Variants in NLRP5 observed in about 807,000 individuals in gnomAD.
The protein encoded by NLRP5 is NACHT, LRR and PYD domains-containing protein 5.
In NLRP5, 93 loss-of-function variants were observed where a neutral mutation model predicts 113.1. That is an observed-to-expected ratio of 0.82 (90% CI 0.70 to 0.98). NLRP5 has a LOEUF of 0.98. Among genes scored for constraint, NLRP5 ranks in the 50% least tolerant of loss-of-function variants. The probability of loss-of-function intolerance (pLI) is 0.00; values close to 1 mark genes in which losing one functional copy is unlikely to be tolerated. For missense variants in NLRP5, 1,808 were observed against 1,514.3 expected (o/e 1.19, Z -3.22); for synonymous variants, 751 against 600.7 (o/e 1.25, Z -3.66).
chr19:55,987,186 T>C, the NLRP5 span, among the ~76,000 whole-genome samples: 2 of 152,108 alleles, frequency 1.3e-5, no homozygotes. Context: ...CTGGCCAACA[T>C]GGTGAAATCC....
chr19:56,061,740 G>A lies in NLRP5; in HGVS notation c.*212G>A, dbSNP rs1372317637. On this transcript the variant is annotated 3_prime_UTR_variant, in exon 15 of 15. Transcript: ENST00000390649. ...AGAGACCTTCAAGTCATAGGACTCAGTATCTGTGAAATGTCCGTCATATCT... is the reference window on the plus strand; with the variant it reads ...AGAGACCTTCAAGTCATAGGACTCAATATCTGTGAAATGTCCGTCATATCT... 1.8e-6 allele frequency: 1 copy of A among 544,396 alleles called. No individual in the cohort carries two copies. Among genetic ancestry groups the A allele is most frequent in the Non-Finnish European group, 3.3e-6 (1 of 307,466 alleles). 33.7% of individuals were successfully genotyped at this position (544,396 alleles called of 1,614,324 possible).
chr19:56,005,205 A>G (rs905450837), intron 2 of NLRP5, among the ~76,000 whole-genome samples: 3 of 135,546 alleles, frequency 2.2e-5, no homozygotes, highest in Non-Finnish European at 4.7e-5. Flanking sequence ...ATATACACAT[A>G]CACATACACA....
chr19:56,027,875 G>A lies in NLRP5; in HGVS notation c.1642G>A (p.Gly548Ser), dbSNP rs1982933714. Residue 548 changes from glycine to serine, a missense_variant, in exon 7 of 15, where the codon GGT becomes AGT. Gly to Ser is a moderately conservative substitution (Grantham distance 56). Transcript: ENST00000390649. ...GTGGAATAGGAAGTCAGTGTTTGACGGTGACGACCTCATGGTTCAAGGACT... is the reference window on the plus strand; with the variant it reads ...GTGGAATAGGAAGTCAGTGTTTGACAGTGACGACCTCATGGTTCAAGGACT... 3.7e-6 allele frequency: 6 copies of A among 1,613,730 alleles called. No homozygotes were observed. The highest frequency in any genetic ancestry group is 2.2e-5 in the South Asian group (2 of 91,056).
Position 56,012,585 on chromosome 19 carries a change from A to G in NLRP5, c.509-3157A>G, listed in dbSNP as rs955314395. Among the ~76,000 whole-genome samples, 10 of 152,006 alleles carry G rather than the reference A, an allele frequency of 6.6e-5. 1 individual carries two copies. Among genetic ancestry groups the G allele is most frequent in the South Asian group, 4.2e-4 (2 of 4,812 alleles). On this transcript the variant is annotated intron_variant, in intron 3 of 14. Coordinates refer to ENST00000390649, the MANE Select transcript of NLRP5 (RefSeq NM_153447.4). ...GGACATTTCCATAACCCAAAAAAAA[A>G]AAAAAATCCTTCAGCAGAGACAACA...
intron 7 of NLRP5, 44 bp downstream of exon 7, chr19:56,028,553 C>G (rs759338916): frequency 6.4e-7 from 1 of 1,556,014 alleles, no homozygotes; most frequent in South Asian, 1.2e-5. Flanking sequence ...GTGCTGAGCT[C>G]TGTGTCTCTA....
intron 7 of NLRP5, among the ~76,000 whole-genome samples, chr19:56,032,335 A>C (rs1292517522): frequency 1.4e-5 from 2 of 140,020 alleles, no homozygotes; most frequent in Admixed American, 7.2e-5. Context: ...ACGGAGCGAG[A>C]CTCCATCTCA....
chr19:56,053,862 C>A, intron 13 of NLRP5, 54 bp downstream of exon 13: 2 of 1,563,280 alleles, frequency 1.3e-6, no homozygotes, highest in South Asian at 2.3e-5. Context: ...GTGGGGGACC[C>A]CAGCATGAGG....
rs1412317286 is a variant in NLRP5 at position 56,010,742 on chromosome 19, C to CAAAAAAAAA, written c.508+1894_508+1902dup. The stretch of plus-strand genomic sequence containing the variant: ...GGGAAACAAGAGCTTAACTCTGTCT[C>CAAAAAAAAA]AAAAAAAAAAAAAGTCCCTTGAAAC... On this transcript the variant is annotated intron_variant, in intron 3 of 14. Coordinates refer to ENST00000390649, the MANE Select transcript of NLRP5 (RefSeq NM_153447.4). 7.5e-4 allele frequency among the ~76,000 whole-genome samples: 31 copies of CAAAAAAAAA among 41,280 alleles called. 4 individuals carry two copies. Among genetic ancestry groups the CAAAAAAAAA allele is most frequent in the African/African-American group, 1.0e-3 (10 of 9,612 alleles). 27.1% of individuals were successfully genotyped at this position (41,280 alleles called of 152,430 possible). A position where few individuals can be genotyped will look rare whatever the true frequency, so the allele number is the denominator to read the frequency against.
rs552116878 is a variant in NLRP5, at chr19:56,038,211, T to TTTCCACCAGGATTATCGTAAC, written c.2786+41_2786+61dup. The TTTCCACCAGGATTATCGTAAC allele has an allele frequency of 7.5e-5, 121 of 1,610,968 alleles. 1 individual carries two copies. The highest frequency in any genetic ancestry group is 5.0e-4 in the Middle Eastern group (3 of 6,050). Reference sequence around the variant, plus strand: ...AGAAGCTGATGTGAGTGCCACTTCCTTTCCACCAGGATTATCGTAACTTCC... The same window carrying TTTCCACCAGGATTATCGTAAC: ...AGAAGCTGATGTGAGTGCCACTTCCTTTCCACCAGGATTATCGTAACTTCCACCAGGATTATCGTAACTTCC... On this transcript the variant is annotated intron_variant, in intron 10 of 14. Transcript: ENST00000390649.
chr19:56,014,883 G>T (rs998537284), intron 3 of NLRP5, among the ~76,000 whole-genome samples: 4 of 152,070 alleles, frequency 2.6e-5, no homozygotes, highest in Non-Finnish European at 5.9e-5. Flanking sequence ...GCTATTCTGG[G>T]TCTGTTGAAT....
intron 7 of NLRP5, among the ~76,000 whole-genome samples, chr19:56,030,629 G>A (rs748399615): frequency 1.3e-5 from 2 of 151,522 alleles, no homozygotes; most frequent in South Asian, 2.1e-4. Flanking sequence ...GCACTGAGAT[G>A]GGAAATTTAC....
Position 56,053,869 on chromosome 19 carries a change from G to C in NLRP5, c.3299+61G>C, listed in dbSNP as rs568338248. The C allele has an allele frequency of 7.5e-5, 113 of 1,507,258 alleles. 1 individual carries two copies. Among genetic ancestry groups the C allele is most frequent in the Non-Finnish European group, 1.0e-4 (109 of 1,093,108 alleles). 93.4% of individuals were successfully genotyped at this position (1,507,258 alleles called of 1,614,324 possible). On this transcript the variant is annotated intron_variant, in intron 13 of 14. Transcript: ENST00000390649. ...GGGAGGAGGTGGGGGACCCCAGCAT[G>C]AGGTTGCTTGAACAGGGATGATGAT...
At chr19:55,990,013 C>T in the NLRP5 span, among the ~76,000 whole-genome samples, 23 of 140,284 alleles carry the variant, frequency 1.6e-4, no homozygotes, top group African/African-American at 6.0e-4. Context: ...GGCTATTTAC[C>T]TTATCAGTAA....
chr19:56,015,814 CT>C lies in NLRP5; in HGVS notation c.565+17del. The stretch of plus-strand genomic sequence containing the variant: ...AAAGAACAAGGTGAATGAAATAGAT[CT>C]ATTCATTTGTTGCCCTCCTGGAAGA... On this transcript the variant is annotated intron_variant, in intron 4 of 14. Coordinates refer to ENST00000390649, the MANE Select transcript of NLRP5 (RefSeq NM_153447.4). The C allele has an allele frequency of 6.6e-7, 1 of 1,515,416 alleles. No individual in the cohort carries two copies. The highest frequency in any genetic ancestry group is 8.8e-7 in the Non-Finnish European group (1 of 1,131,522). 93.9% of individuals were successfully genotyped at this position (1,515,416 alleles called of 1,614,324 possible). A position where few individuals can be genotyped will look rare whatever the true frequency, so the allele number is the denominator to read the frequency against.
In NLRP5 at chr19:56,027,015, C is replaced by T. The variant is rs565332613; in HGVS notation, c.782C>T (p.Pro261Leu). ...TTTGAAAACACTGCTGCTGACTGGC[C>T]GGAAATGCAAACGTTGGCTGGTGCT... Residue 261 changes from proline to leucine, a missense_variant, in exon 7 of 15, where the codon CCG (proline) becomes CTG (leucine). Pro to Leu is a moderately conservative substitution (Grantham distance 98, BLOSUM62 -3). Transcript: ENST00000390649. 1.2e-5 allele frequency: 18 copies of T among 1,551,990 alleles called. 1 individual carries two copies. In the Middle Eastern group the frequency reaches 5.0e-4, roughly 43 times the overall value.
At chr19:56,014,662 C>T (rs1029298120) in intron 3 of NLRP5, among the ~76,000 whole-genome samples, 2 of 151,832 alleles carry the variant, frequency 1.3e-5, no homozygotes, top group Non-Finnish European at 2.9e-5. Flanking sequence ...AACCAGTTCT[C>T]CAGCAATATT....
intron 6 of NLRP5, among the ~76,000 whole-genome samples, chr19:56,025,398 C>CTCTCTCTG (rs1982801477): frequency 6.6e-6 from 1 of 151,654 alleles, no homozygotes; most frequent in Non-Finnish European, 1.5e-5. Flanking sequence ...CTCTCTCTCT[C>CTCTCTCTG]TCTCTCTGTC....
At chr19:56,007,934 T>TGTGTGTGTG (rs1982008388) in intron 2 of NLRP5, among the ~76,000 whole-genome samples, 3 of 129,138 alleles carry the variant, frequency 2.3e-5, no homozygotes, top group African/African-American at 9.9e-5. Context: ...TGTGTGTGTG[T>TGTGTGTGTG]TTGAAACAGA....
chr19:56,038,281 GA>G, intron 10 of NLRP5, 86 bp downstream of exon 10: 1 of 1,400,396 alleles, frequency 7.1e-7, no homozygotes, highest in East Asian at 2.3e-5. Flanking sequence ...TGGTGGGAGG[GA>G]AATGAGCAGA....
Sources: gnomAD v4.1 joint callset for allele counts (sites outside exome capture counted in the v4.1 genomes callset) on GRCh38, gnomAD v4.1.1 for gene constraint, MANE v1.5 for transcripts, NCBI Gene and HGNC (gene_info 2026-07-23, HGNC 2026-07-21) for gene names.